Variants in NRG1 observed in about 807,000 individuals in gnomAD.
NRG1 encodes the protein pro-neuregulin-1, membrane-bound isoform.
A neutral mutation model predicts 63.8 loss-of-function variants in NRG1; 18 were observed. That is an observed-to-expected ratio of 0.28 (90% confidence interval 0.19 to 0.42). The LOEUF (loss-of-function observed/expected upper bound fraction) is 0.42, where lower values mean the gene tolerates loss of function less well. Ranked by LOEUF, NRG1 falls within the 10% of genes least tolerant of loss-of-function variation. The pLI is 1.00. For missense variants in NRG1, 762 were observed against 814.7 expected, an observed-to-expected ratio of 0.94 and a Z score of 0.79; for synonymous variants, 302 against 301.3, an observed-to-expected ratio of 1.00 and a Z score of -0.02.
At chr8:32,567,981 T>C (rs368994294) in intron 1 of NRG1, among the ~76,000 whole-genome samples, 1 of 152,216 alleles carries the variant, frequency 6.6e-6, no homozygotes. Flanking sequence ...CCAGTAATCA[T>C]ATTTGGCAGG....
intron 1 of NRG1, among the ~76,000 whole-genome samples, chr8:32,552,174 G>C (rs1834266944): frequency 6.7e-6 from 1 of 148,316 alleles, no homozygotes; most frequent in South Asian, 2.1e-4. Flanking sequence ...CTCCCAAAGT[G>C]CTGGGATTAC....
chr8:32,463,079 C>G (rs1197495504), intron 1 of NRG1, among the ~76,000 whole-genome samples: 1 of 149,768 alleles, frequency 6.7e-6, no homozygotes, highest in Non-Finnish European at 1.5e-5. Flanking sequence ...GTTTCTATGT[C>G]TGGCTTATAG....
At chr8:31,729,349 G>T (rs763929413) in intron 1 of NRG1, among the ~76,000 whole-genome samples, 1 of 151,868 alleles carries the variant, frequency 6.6e-6, no homozygotes, top group African/African-American at 2.4e-5. Flanking sequence ...CTCACATGTA[G>T]GTCTTATCTG....
intron 1 of NRG1, among the ~76,000 whole-genome samples, chr8:32,183,875 T>A (rs1841691813): frequency 6.6e-6 from 1 of 152,180 alleles, no homozygotes; most frequent in African/African-American, 2.4e-5. Context: ...AAGCTCCTGA[T>A]ACAGGAAGAA....
chr8:31,962,035 A>G (rs1333136644), intron 1 of NRG1, among the ~76,000 whole-genome samples: 2 of 152,176 alleles, frequency 1.3e-5, no homozygotes, highest in East Asian at 1.9e-4. Flanking sequence ...TGTGTCTGAA[A>G]GAAAATCCCA....
chr8:32,313,217 C>CT (rs1857017715), intron 1 of NRG1, among the ~76,000 whole-genome samples: 1 of 152,134 alleles, frequency 6.6e-6, no homozygotes, highest in Non-Finnish European at 1.5e-5. Context: ...GACTTAAGTT[C>CT]TAAGAGTTGA....
intron 1 of NRG1, among the ~76,000 whole-genome samples, chr8:31,861,505 A>G (rs991029619): frequency 6.6e-6 from 1 of 152,164 alleles, no homozygotes; most frequent in Non-Finnish European, 1.5e-5. Flanking sequence ...AGAAGGAGAG[A>G]AACAACATAC....
intron 1 of NRG1, among the ~76,000 whole-genome samples, chr8:32,359,525 G>A (rs959344108): frequency 1.3e-5 from 2 of 152,152 alleles, no homozygotes; most frequent in Admixed American, 1.3e-4. Context: ...CACTAGTATG[G>A]CCTTTTCCAA....
At chr8:31,858,309 A>G (rs1828131406) in intron 1 of NRG1, among the ~76,000 whole-genome samples, 1 of 152,130 alleles carries the variant, frequency 6.6e-6, no homozygotes, top group South Asian at 2.1e-4. Context: ...AAAAAAAAAA[A>G]AACAAGTGAA....
intron 1 of NRG1, among the ~76,000 whole-genome samples, chr8:32,583,966 C>T (rs1841163570): frequency 6.6e-6 from 1 of 152,172 alleles, no homozygotes; most frequent in South Asian, 2.1e-4. Context: ...TTCTGGGAGT[C>T]AGTGGGTTGT....
chr8:32,176,137 C>T (rs1416172517), intron 1 of NRG1, among the ~76,000 whole-genome samples: 1 of 152,224 alleles, frequency 6.6e-6, no homozygotes, highest in Non-Finnish European at 1.5e-5. Context: ...GAGATATAGA[C>T]CAATGGAACA....
chr8:32,092,472 AAAAAAAAG>A (rs1181310325), intron 1 of NRG1, among the ~76,000 whole-genome samples: 2 of 151,330 alleles, frequency 1.3e-5, no homozygotes, highest in Admixed American at 1.3e-4. Context: ...AAAAAAAAAA[AAAAAAAAG>A]AAAAAGAAAA....
chr8:32,546,209 T>C (rs1261505742), upstream of NRG1, among the ~76,000 whole-genome samples: 1 of 152,064 alleles, frequency 6.6e-6, no homozygotes, highest in Admixed American at 6.6e-5. Flanking sequence ...AAAATTACTC[T>C]AAAAATGACC....
intron 1 of NRG1, among the ~76,000 whole-genome samples, chr8:32,070,997 G>C (rs1825680309): frequency 6.6e-6 from 1 of 152,002 alleles, no homozygotes; most frequent in South Asian, 2.1e-4. Context: ...CCACTTCGAG[G>C]CCTCACACCT....
intron 1 of NRG1, among the ~76,000 whole-genome samples, chr8:32,271,951 G>A (rs1191501884): frequency 6.6e-6 from 1 of 152,152 alleles, no homozygotes; most frequent in Non-Finnish European, 1.5e-5. Context: ...CTTATTTTAA[G>A]GGCTGATAGA....
At chr8:31,674,535 T>A (rs1202677682) in intron 1 of NRG1, among the ~76,000 whole-genome samples, 2 of 149,002 alleles carry the variant, frequency 1.3e-5, no homozygotes, top group Admixed American at 6.8e-5. Flanking sequence ...TCCCCGTTTA[T>A]CTTTCATCTA....
At chr8:31,896,592 G>C (rs10112715) in intron 1 of NRG1, among the ~76,000 whole-genome samples, 2,713 of 152,222 alleles carry the variant, frequency 0.018, 97 homozygotes, top group African/African-American at 0.062. Flanking sequence ...TAACCTGGAG[G>C]GTTTGTTAAG....
At chr8:32,153,449 T>G (rs1837723803) in intron 1 of NRG1, among the ~76,000 whole-genome samples, 1 of 152,278 alleles carries the variant, frequency 6.6e-6, no homozygotes, top group Non-Finnish European at 1.5e-5. Flanking sequence ...ATGGAGTTCC[T>G]GCCACCCTAG....
chr8:31,688,896 T>C (rs1244792854), intron 1 of NRG1, among the ~76,000 whole-genome samples: 1 of 152,216 alleles, frequency 6.6e-6, no homozygotes, highest in Non-Finnish European at 1.5e-5. Flanking sequence ...AAAGTCTGTC[T>C]TACTGGGCTA....
Sources: gnomAD v4.1 joint callset for allele counts (sites outside exome capture counted in the v4.1 genomes callset) on GRCh38, gnomAD v4.1.1 for gene constraint, MANE v1.5 for transcripts, NCBI Gene and HGNC (gene_info 2026-07-23, HGNC 2026-07-21) for gene names.